PITPNA: variants seen among roughly 807,000 people sequenced by gnomAD.
The protein encoded by PITPNA is phosphatidylinositol transfer protein alpha isoform.
Under a neutral mutation model 50.3 loss-of-function variants are expected in PITPNA, and 13 were observed. The observed-to-expected ratio is 0.26, with a 90% CI of 0.17 to 0.41. The LOEUF is 0.41. Ranked by LOEUF, PITPNA falls within the 10% of genes least tolerant of loss-of-function variation. The pLI, the probability that PITPNA is intolerant of heterozygous loss-of-function variation, is 1.00. For missense variants in PITPNA, 207 were observed against 333.4 expected (o/e 0.62, Z 2.95); for synonymous variants, 120 against 119.6 (o/e 1.00, Z -0.02).
chr17:1,542,194 C>G (rs1352420510), intron 5 of PITPNA, among the ~76,000 whole-genome samples: 3 of 151,126 alleles, frequency 2.0e-5, no homozygotes, highest in Non-Finnish European at 2.9e-5. Context: ...CAGCAAGACT[C>G]CGTTTCGAAA....
intron 10 of PITPNA, among the ~76,000 whole-genome samples, chr17:1,532,064 T>A (rs1396475098): frequency 6.6e-6 from 1 of 152,162 alleles, no homozygotes; most frequent in African/African-American, 2.4e-5. Flanking sequence ...TGATTCTCCA[T>A]GGAATGGAGA....
At chr17:1,551,843 G>A (rs541957314) in intron 3 of PITPNA, among the ~76,000 whole-genome samples, 21 of 152,288 alleles carry the variant, frequency 1.4e-4, no homozygotes, top group African/African-American at 4.6e-4. Flanking sequence ...CTCGCACCCC[G>A]GCACTGAGGT....
Position 1,534,175 on chromosome 17 carries a change from C to CCTGTGG in PITPNA, c.691_692insCCACAG (p.Trp231delinsSerThrGly). On this transcript the variant is annotated protein_altering_variant, in exon 10 of 12. Coordinates refer to ENST00000313486, the MANE Select transcript of PITPNA (RefSeq NM_006224.4). ...GGTCAGGTCAACCCACTTATCGAGCCAACAGAACAGCTGCCTGTGGAAGTT... is the reference window on the plus strand; with the variant it reads ...GGTCAGGTCAACCCACTTATCGAGCCCTGTGGAACAGAACAGCTGCCTGTGGAAGTT... 6.2e-7 allele frequency: 1 copy of CCTGTGG among 1,613,944 alleles called. No homozygotes were observed. The highest frequency in any genetic ancestry group is 8.5e-7 in the Non-Finnish European group (1 of 1,179,872).
chr17:1,529,376 G>A (rs1178576260), intron 10 of PITPNA, among the ~76,000 whole-genome samples: 1 of 151,626 alleles, frequency 6.6e-6, no homozygotes, highest in African/African-American at 2.4e-5. Context: ...TAGAAAATTA[G>A]TGGCGTGTAG....
At position 1,560,361 on chromosome 17, in the gene PITPNA, C is replaced by T. The variant is rs142994749; in HGVS notation, c.21-1802G>A. 9.9e-5 allele frequency among the ~76,000 whole-genome samples: 15 copies of T among 151,014 alleles called. No individual in the cohort carries two copies. The East Asian group carries it at 1.7e-3, about 17-fold the overall frequency. ...ACTCGCACCCTTTCCAGGGCTGCAA[C>T]GCTGCGGCCACAGCCAGTGTCTCGG... On this transcript the variant is annotated intron_variant, in intron 1 of 11. Transcript: ENST00000313486.
chr17:1,522,157 C>T (rs1225026989), intron 10 of PITPNA, among the ~76,000 whole-genome samples: 1 of 150,484 alleles, frequency 6.6e-6, no homozygotes, highest in Non-Finnish European at 1.5e-5. Context: ...CTGCAAGCTC[C>T]GCTTCCCGGG....
chr17:1,527,940 G>A (rs114550136), intron 10 of PITPNA, among the ~76,000 whole-genome samples: 6,778 of 152,288 alleles, frequency 0.045, 522 homozygotes, highest in African/African-American at 0.15. Context: ...CCAACACTTC[G>A]GGAGGCTGAG....
At position 1,541,644 on chromosome 17, in the gene PITPNA, G is replaced by A. The variant is rs771462829; in HGVS notation, c.298-4C>T. 4.4e-6 allele frequency: 7 copies of A among 1,598,940 alleles called. No homozygotes were observed. In the East Asian group the frequency reaches 1.1e-4, roughly 25 times the overall value. On this transcript the variant is annotated splice_polypyrimidine_tract_variant and splice_region_variant and intron_variant, in intron 5 of 11. Transcript: ENST00000313486. ...AGTCTTCTTTCATGTACTCATTCTG[G>A]AAGAAGGAAAAAAAATACATGAAAG...
intron 2 of PITPNA, among the ~76,000 whole-genome samples, chr17:1,555,022 CA>C (rs920675261): frequency 6.6e-6 from 1 of 152,154 alleles, no homozygotes; most frequent in African/African-American, 2.4e-5. Context: ...TTGGCTGAGC[CA>C]GGGGTGCCTA....
At position 1,534,341 on chromosome 17, in the gene PITPNA, G is replaced by A. The variant is rs574892612; in HGVS notation, c.646-120C>T. ...ACTGGGGACGGGCGGACAGGAGGAG[G>A]AGTAATGCCCGGCTGGTTATCTGGA... On this transcript the variant is annotated intron_variant, in intron 9 of 11. Coordinates refer to ENST00000313486, the MANE Select transcript of PITPNA (RefSeq NM_006224.4). The A allele has an allele frequency of 9.0e-6, 11 of 1,227,810 alleles. No individual in the cohort carries two copies. In the South Asian group the frequency reaches 9.0e-5, roughly 10 times the overall value. The allele number at this position is 1,227,810 out of a possible 1,614,324, so 76.1% of individuals were successfully genotyped here. A position where few individuals can be genotyped will look rare whatever the true frequency, so the allele number is the denominator to read the frequency against.
At chr17:1,557,590 C>A (rs541753558) in intron 2 of PITPNA, among the ~76,000 whole-genome samples, 4 of 152,278 alleles carry the variant, frequency 2.6e-5, no homozygotes, top group Non-Finnish European at 5.9e-5. Flanking sequence ...AAGAGTGAGA[C>A]AAGGGAGGTT....
At chr17:1,529,974 T>G (rs1209847103) in intron 10 of PITPNA, among the ~76,000 whole-genome samples, 2 of 152,218 alleles carry the variant, frequency 1.3e-5, no homozygotes, top group African/African-American at 2.4e-5. Flanking sequence ...GTTCAGTGAA[T>G]TATAAAACGT....
intron 2 of PITPNA, among the ~76,000 whole-genome samples, chr17:1,557,933 T>A (rs1440152119): frequency 6.6e-6 from 1 of 152,074 alleles, no homozygotes. Context: ...CTTGATCCCA[T>A]CAATAATGCG....
intron 2 of PITPNA, among the ~76,000 whole-genome samples, chr17:1,554,765 G>C (rs1693935784): frequency 6.6e-6 from 1 of 152,050 alleles, no homozygotes; most frequent in Non-Finnish European, 1.5e-5. Context: ...TCACCACAAG[G>C]CTGAAAGAGC....
chr17:1,556,554 T>C (rs1397718811), intron 2 of PITPNA, among the ~76,000 whole-genome samples: 1 of 152,154 alleles, frequency 6.6e-6, no homozygotes, highest in African/African-American at 2.4e-5. Flanking sequence ...TCTGCAGCAC[T>C]TCTCAGAGAC....
At chr17:1,537,409 A>T (rs1598407609) in intron 7 of PITPNA, among the ~76,000 whole-genome samples, 1 of 151,808 alleles carries the variant, frequency 6.6e-6, no homozygotes, top group Non-Finnish European at 1.5e-5. Context: ...ATGTTGGCCA[A>T]GCTGGTCTCA....
At position 1,520,552 on chromosome 17, in the gene PITPNA, G is replaced by GA. The variant is rs2075504272; in HGVS notation, c.*23-15dup. The stretch of plus-strand genomic sequence containing the variant: ...TGTCTTGCAAAACTAGAAGAAAAAT[G>GA]AAAGTATTAAGGAAGCAAGAGGAGA... On this transcript the variant is annotated splice_polypyrimidine_tract_variant and intron_variant, in intron 11 of 11. Coordinates refer to ENST00000313486, the MANE Select transcript of PITPNA (RefSeq NM_006224.4). The GA allele has an allele frequency of 6.6e-6, 1 of 151,676 alleles. No individual in the cohort carries two copies. The highest frequency in any genetic ancestry group is 1.5e-5 in the Non-Finnish European group (1 of 67,802). The allele number at this position is 151,676 out of a possible 1,614,324, so 9.4% of individuals were successfully genotyped here.
intron 2 of PITPNA, among the ~76,000 whole-genome samples, chr17:1,557,184 C>T (rs1473628772): frequency 6.6e-6 from 1 of 152,144 alleles, no homozygotes; most frequent in East Asian, 1.9e-4. Context: ...TCAAGGCCCA[C>T]CTCTGGCCCC....
intron 2 of PITPNA, among the ~76,000 whole-genome samples, chr17:1,554,678 G>A (rs2075726660): frequency 2.0e-5 from 3 of 152,224 alleles, no homozygotes; most frequent in Admixed American, 2.0e-4. Context: ...GCTCTACCAG[G>A]CAGCTTCCTA....
Sources: allele counts gnomAD v4.1 joint callset (sites outside exome capture counted in the v4.1 genomes callset), GRCh38; gene constraint gnomAD v4.1.1; transcripts MANE v1.5; gene names NCBI Gene and HGNC (gene_info 2026-07-23, HGNC 2026-07-21).